The following DIP2B variants were observed in gnomAD, a reference collection of about 807,000 sequenced individuals.
DIP2B encodes disco-interacting protein 2 homolog B.
In DIP2B, 76 loss-of-function variants were observed where a neutral mutation model predicts 198.0. The observed-to-expected ratio is 0.38, with a 90% CI of 0.32 to 0.46. The LOEUF (loss-of-function observed/expected upper bound fraction) is 0.46, where lower values mean the gene tolerates loss of function less well. DIP2B is among the 20% of genes least tolerant of loss of function. The pLI is 0.99. For missense variants in DIP2B, 1,559 were observed against 1,978.4 expected (o/e 0.79, Z 4.02); for synonymous variants, 701 against 739.1 (o/e 0.95, Z 0.84).
chr12:50,563,677 A>G lies in DIP2B; in HGVS notation c.100+58437A>G, dbSNP rs767051815. Among the ~76,000 whole-genome samples, 8 of 150,574 alleles carry G rather than the reference A, an allele frequency of 5.3e-5. 1 individual carries two copies. Among genetic ancestry groups the G allele is most frequent in the Admixed American group, 2.6e-4 (4 of 15,114 alleles). The stretch of plus-strand genomic sequence containing the variant: ...TACCTGGCTAATTTTTAAACTTTTT[A>G]TGGGTATGGGGTGTCACTATATTGC... On this transcript the variant is annotated intron_variant, in intron 1 of 37. Transcript: ENST00000301180.
chr12:50,563,349 G>A (rs545645712), intron 1 of DIP2B, among the ~76,000 whole-genome samples: 5 of 152,128 alleles, frequency 3.3e-5, no homozygotes, highest in African/African-American at 1.2e-4. Flanking sequence ...ACCAGTCCTG[G>A]CTAATTTTTG....
chr12:50,615,089 C>A (rs749473592), intron 1 of DIP2B, among the ~76,000 whole-genome samples: 1 of 152,080 alleles, frequency 6.6e-6, no homozygotes, highest in Non-Finnish European at 1.5e-5. Context: ...TTACTTATTG[C>A]CTGGTTTTTA....
At chr12:50,506,255 G>A (rs1342034601) in intron 1 of DIP2B, among the ~76,000 whole-genome samples, 1 of 152,132 alleles carries the variant, frequency 6.6e-6, no homozygotes, top group Non-Finnish European at 1.5e-5. Flanking sequence ...CTCCAGAGTT[G>A]CATATTCTTA....
chr12:50,644,703 G>A (rs1938319838), intron 3 of DIP2B, among the ~76,000 whole-genome samples: 2 of 152,154 alleles, frequency 1.3e-5, no homozygotes, highest in African/African-American at 4.8e-5. Context: ...AAATAGTTGG[G>A]TGGCTTGATT....
intron 1 of DIP2B, among the ~76,000 whole-genome samples, chr12:50,556,270 G>C (rs1031537572): frequency 6.6e-6 from 1 of 151,826 alleles, no homozygotes; most frequent in Non-Finnish European, 1.5e-5. Context: ...GGATGGTCTC[G>C]AACTCCCGAC....
At chr12:50,565,416 C>T (rs12814717) in intron 1 of DIP2B, among the ~76,000 whole-genome samples, 48,460 of 151,884 alleles carry the variant, frequency 0.32, 7,903 homozygotes, top group South Asian at 0.39. Context: ...CTGCCTCAGC[C>T]TCCTGAGTAG....
Position 50,741,451 on chromosome 12 carries a change from G to C in DIP2B, c.4390G>C (p.Asp1464His), listed in dbSNP as rs1445478383. ...TGCATTGTATGTGGTGGGAGCGCTGGATGAAACACTGGAGCTGAGAGGATT... is the reference window on the plus strand; with the variant it reads ...TGCATTGTATGTGGTGGGAGCGCTGCATGAAACACTGGAGCTGAGAGGATT... ...HDALYVVGAL[D>H]ETLELRGLRY... The change falls in exon 37 of 38, where the codon GAT (aspartate) becomes CAT (histidine). Residue 1464 changes from aspartate (D) to histidine (H), a missense_variant. Asp to His is a moderately conservative substitution (Grantham distance 81, BLOSUM62 -1). Coordinates refer to ENST00000301180, the MANE Select transcript of DIP2B (RefSeq NM_173602.3). 3 of 1,614,028 alleles carry C rather than the reference G, an allele frequency of 1.9e-6. No individual in the cohort carries two copies. Among genetic ancestry groups the C allele is most frequent in the Non-Finnish European group, 2.5e-6 (3 of 1,180,032 alleles).
chr12:50,597,820 G>GT (rs1487909217), intron 1 of DIP2B, among the ~76,000 whole-genome samples: 1 of 152,156 alleles, frequency 6.6e-6, no homozygotes, highest in Non-Finnish European at 1.5e-5. Context: ...TGCACATAAA[G>GT]TATGCATTAA....
chr12:50,594,048 C>T (rs562543787), intron 1 of DIP2B, among the ~76,000 whole-genome samples: 1 of 149,844 alleles, frequency 6.7e-6, no homozygotes, highest in East Asian at 2.0e-4. Flanking sequence ...TCAAGTGATG[C>T]TCCTGCCTCA....
chr12:50,736,947 A>T, intron 34 of DIP2B, 89 bp from the exon 35 acceptor site: 1 of 1,301,044 alleles, frequency 7.7e-7, no homozygotes, highest in Non-Finnish European at 1.1e-6. Context: ...TGCCTCTCTC[A>T]CCTCTCCAGC....
chr12:50,511,354 C>T (rs998018120), intron 1 of DIP2B, among the ~76,000 whole-genome samples: 11 of 116,204 alleles, frequency 9.5e-5, no homozygotes, highest in South Asian at 6.1e-4. Flanking sequence ...TGCAGTGGCA[C>T]GACCTTGGCT....
intron 2 of DIP2B, among the ~76,000 whole-genome samples, chr12:50,628,763 C>T (rs1937985566): frequency 6.6e-6 from 1 of 152,232 alleles, no homozygotes; most frequent in Non-Finnish European, 1.5e-5. Flanking sequence ...CTCAAATGCT[C>T]ACTTCTCAGC....
At chr12:50,517,850 C>T (rs2139347841) in intron 1 of DIP2B, among the ~76,000 whole-genome samples, 1 of 152,310 alleles carries the variant, frequency 6.6e-6, no homozygotes, top group Non-Finnish European at 1.5e-5. Flanking sequence ...CGGTTAACTT[C>T]TGTTTCAGTT....
chr12:50,657,464 A>G (rs934992588), intron 3 of DIP2B, among the ~76,000 whole-genome samples: 1 of 152,146 alleles, frequency 6.6e-6, no homozygotes, highest in Admixed American at 6.6e-5. Context: ...ATAGTGGAGC[A>G]GACACCTCCT....
At chr12:50,561,311 CATA>C (rs1958517704) in intron 1 of DIP2B, among the ~76,000 whole-genome samples, 1 of 152,164 alleles carries the variant, frequency 6.6e-6, no homozygotes, top group Non-Finnish European at 1.5e-5. Context: ...CTACATTTGT[CATA>C]ATATTTCCAG....
At chr12:50,533,939 CT>C (rs1391987088) in intron 1 of DIP2B, among the ~76,000 whole-genome samples, 1 of 151,996 alleles carries the variant, frequency 6.6e-6, no homozygotes, top group East Asian at 1.9e-4. Flanking sequence ...ATGGGAGAAA[CT>C]TTTTTCCCCC....
chr12:50,699,751 T>C (rs1168942631), intron 19 of DIP2B, among the ~76,000 whole-genome samples: 1 of 152,038 alleles, frequency 6.6e-6, no homozygotes, highest in Non-Finnish European at 1.5e-5. Context: ...TGGTCCCAGC[T>C]ACTCGAAAGG....
At chr12:50,609,864 T>G (rs1201022364) in intron 1 of DIP2B, among the ~76,000 whole-genome samples, 1 of 152,230 alleles carries the variant, frequency 6.6e-6, no homozygotes, top group Non-Finnish European at 1.5e-5. Context: ...GTGTCCTGTT[T>G]CATGTTCTGT....
At chr12:50,734,047 T>C in intron 32 of DIP2B, 88 bp from the exon 33 acceptor site, 1 of 1,436,712 alleles carries the variant, frequency 7.0e-7, no homozygotes, top group Non-Finnish European at 9.8e-7. Context: ...GGATTTTTCA[T>C]GTATATGGCT....
Sources: gnomAD v4.1 joint callset for allele counts (sites outside exome capture counted in the v4.1 genomes callset) on GRCh38, gnomAD v4.1.1 for gene constraint, MANE v1.5 for transcripts, NCBI Gene and HGNC (gene_info 2026-07-23, HGNC 2026-07-21) for gene names.